Variants in LRRC37A2 observed in about 807,000 individuals in gnomAD.
LRRC37A2 encodes leucine-rich repeat-containing protein 37A2.
In LRRC37A2, 9 loss-of-function variants were observed where a neutral mutation model predicts 68.8. The ratio of observed to expected loss-of-function variants is 0.13; its 90% CI spans 0.08 to 0.23. The LOEUF (loss-of-function observed/expected upper bound fraction) is 0.23, where lower values mean the gene tolerates loss of function less well. LRRC37A2 is among the 10% of genes least tolerant of loss of function. The pLI, the probability that LRRC37A2 is intolerant of heterozygous loss-of-function variation, is 1.00. For missense variants in LRRC37A2, 168 were observed against 950.4 expected, an observed-to-expected ratio of 0.18 and a Z score of 10.82; for synonymous variants, 63 against 367.6, an observed-to-expected ratio of 0.17 and a Z score of 9.48.
the LRRC37A2 span, among the ~76,000 whole-genome samples, chr17:46,904,342 T>C: frequency 2.1e-5 from 3 of 143,682 alleles, no homozygotes; most frequent in Non-Finnish European, 4.6e-5. Flanking sequence ...ATGGGGTGGA[T>C]GGGTGGATGG....
the LRRC37A2 span, among the ~76,000 whole-genome samples, chr17:46,896,274 A>G: frequency 6.6e-6 from 1 of 151,472 alleles, no homozygotes; most frequent in Non-Finnish European, 1.5e-5. Context: ...AGCCTGGGCA[A>G]CAGAGTGAGA....
At chr17:46,709,743 C>T in the LRRC37A2 span, among the ~76,000 whole-genome samples, 8 of 152,162 alleles carry the variant, frequency 5.3e-5, no homozygotes, top group African/African-American at 1.7e-4. Flanking sequence ...GATCCACCCG[C>T]CTCAGCCTCC....
chr17:46,709,045 A>G, the LRRC37A2 span, among the ~76,000 whole-genome samples: 2 of 151,100 alleles, frequency 1.3e-5, no homozygotes, highest in African/African-American at 4.9e-5. Flanking sequence ...GGATGGTCTC[A>G]ATCTCCTGAC....
the LRRC37A2 span, among the ~76,000 whole-genome samples, chr17:46,859,537 CA>C: frequency 6.6e-6 from 1 of 152,116 alleles, no homozygotes; most frequent in Non-Finnish European, 1.5e-5. Context: ...GCCTTGATTA[CA>C]GTAGCTTTAA....
At chr17:46,821,934 C>A in the LRRC37A2 span, among the ~76,000 whole-genome samples, 1 of 152,210 alleles carries the variant, frequency 6.6e-6, no homozygotes, top group Non-Finnish European at 1.5e-5. Context: ...ACCCGTCTGT[C>A]GCGGGGAAGG....
chr17:46,935,280 A>G, the LRRC37A2 span: 8 of 1,594,380 alleles, frequency 5.0e-6, no homozygotes, highest in Admixed American at 1.4e-4. Flanking sequence ...TGATATTTTG[A>G]TGACAAGACA....
chr17:46,765,003 CTG>C, the LRRC37A2 span, among the ~76,000 whole-genome samples: 5 of 152,254 alleles, frequency 3.3e-5, no homozygotes, highest in African/African-American at 9.6e-5. Context: ...CAGGCATGCA[CTG>C]TGTTTTTGTA....
chr17:46,743,775 C>T, the LRRC37A2 span, among the ~76,000 whole-genome samples: 1 of 152,214 alleles, frequency 6.6e-6, no homozygotes, highest in Admixed American at 6.5e-5. Flanking sequence ...CTGCCAGAAC[C>T]CTCTTCTCCA....
At chr17:46,610,027 T>TCTCTC in the LRRC37A2 span, among the ~76,000 whole-genome samples, 1 of 109,468 alleles carries the variant, frequency 9.1e-6, no homozygotes, top group East Asian at 2.1e-4. Context: ...CTTTCTTTCT[T>TCTCTC]TCTCTCTCTC....
the LRRC37A2 span, among the ~76,000 whole-genome samples, chr17:46,377,681 C>T: frequency 4.9e-5 from 3 of 60,676 alleles, 1 homozygote; most frequent in African/African-American, 9.8e-5. Flanking sequence ...GCGATTCTCC[C>T]GCCTCAGCCT....
chr17:46,952,913 C>G, the LRRC37A2 span: 1 of 152,182 alleles, frequency 6.6e-6, no homozygotes, highest in Admixed American at 6.5e-5. Context: ...ATGTCTTTCC[C>G]TGCCTCTGTT....
At chr17:46,798,083 C>T in the LRRC37A2 span, among the ~76,000 whole-genome samples, 2 of 152,138 alleles carry the variant, frequency 1.3e-5, no homozygotes, top group South Asian at 2.1e-4. Context: ...CGTGTGCTAA[C>T]ACACCCAGCT....
At chr17:46,878,997 C>T in the LRRC37A2 span, among the ~76,000 whole-genome samples, 1 of 152,172 alleles carries the variant, frequency 6.6e-6, no homozygotes, top group African/African-American at 2.4e-5. Context: ...CCACCTCGGC[C>T]CTCTTGGGGC....
chr17:46,853,242 C>T, the LRRC37A2 span, among the ~76,000 whole-genome samples: 1 of 151,954 alleles, frequency 6.6e-6, no homozygotes, highest in Non-Finnish European at 1.5e-5. Flanking sequence ...CTCTGTCTCT[C>T]AGTCTCTCAA....
the LRRC37A2 span, chr17:46,929,775 A>G: frequency 1.2e-5 from 7 of 582,656 alleles, no homozygotes; most frequent in Non-Finnish European, 1.5e-5. Flanking sequence ...GAATCCCACA[A>G]GTCTTATCCC....
the LRRC37A2 span, among the ~76,000 whole-genome samples, chr17:46,882,903 C>T: frequency 3.2e-3 from 480 of 152,256 alleles, 5 homozygotes; most frequent in Middle Eastern, 0.041. Flanking sequence ...GCAGGCTCCA[C>T]CCCACACAGG....
the LRRC37A2 span, among the ~76,000 whole-genome samples, chr17:46,803,288 C>G: frequency 1.3e-5 from 2 of 152,242 alleles, no homozygotes; most frequent in Non-Finnish European, 2.9e-5. Flanking sequence ...AATCCCAGCA[C>G]TTTCGGAGGC....
At chr17:47,024,355 A>G in the LRRC37A2 span, among the ~76,000 whole-genome samples, 2 of 152,086 alleles carry the variant, frequency 1.3e-5, no homozygotes, top group Non-Finnish European at 2.9e-5. Context: ...GAGAGGAGGA[A>G]ATGGAGGTTC....
the LRRC37A2 span, among the ~76,000 whole-genome samples, chr17:46,889,756 C>T: frequency 6.6e-6 from 1 of 152,094 alleles, no homozygotes; most frequent in Admixed American, 6.5e-5. Context: ...CTAAGCGGGA[C>T]CTTGGACTTC....
Sources: allele counts gnomAD v4.1 joint callset (sites outside exome capture counted in the v4.1 genomes callset), GRCh38; gene constraint gnomAD v4.1.1; transcripts MANE v1.5; gene names NCBI Gene and HGNC (gene_info 2026-07-23, HGNC 2026-07-21).